The following KCNMB2 variants were observed in gnomAD, a reference collection of about 807,000 sequenced individuals.
KCNMB2 encodes potassium calcium-activated channel subfamily M regulatory beta subunit 2, also known as calcium-activated potassium channel subunit beta-2.
In KCNMB2, 9 loss-of-function variants were observed where a neutral mutation model predicts 24.5. The observed-to-expected ratio is 0.37, with a 90% CI of 0.22 to 0.64. KCNMB2 has a LOEUF of 0.64. Ranked by LOEUF, KCNMB2 falls within the 30% of genes least tolerant of loss-of-function variation. The pLI, the probability that KCNMB2 is intolerant of heterozygous loss-of-function variation, is 0.63. For synonymous variants in KCNMB2, 109 were observed against 104.4 expected (o/e 1.04, Z -0.27); for missense variants, 226 against 284.3 (o/e 0.79, Z 1.47).
chr3:178,596,694 C>A (rs1231384479), intron 1 of KCNMB2, among the ~76,000 whole-genome samples: 3 of 151,818 alleles, frequency 2.0e-5, no homozygotes, highest in African/African-American at 7.3e-5. Context: ...TTCCCACCAA[C>A]CCCCGCCCCC....
chr3:178,842,349 A>G (rs1234720774), intron 4 of KCNMB2, among the ~76,000 whole-genome samples: 1 of 152,224 alleles, frequency 6.6e-6, no homozygotes, highest in Non-Finnish European at 1.5e-5. Flanking sequence ...GAATCATTTA[A>G]TTTATTTTAC....
intron 1 of KCNMB2, among the ~76,000 whole-genome samples, chr3:178,757,652 ATATATATATATG>A (rs1724163932): frequency 2.6e-5 from 1 of 38,370 alleles, no homozygotes; most frequent in African/African-American, 1.3e-4. Flanking sequence ...ATCCAAGAGG[ATATATATATATG>A]TATATATATC....
intron 1 of KCNMB2, among the ~76,000 whole-genome samples, chr3:178,770,621 T>A (rs761704982): frequency 3.3e-5 from 5 of 152,152 alleles, no homozygotes; most frequent in Non-Finnish European, 5.9e-5. Context: ...ATAAAATGAT[T>A]CTCAGTAAGA....
At chr3:178,710,420 C>T (rs561340210) in intron 1 of KCNMB2, among the ~76,000 whole-genome samples, 1 of 152,118 alleles carries the variant, frequency 6.6e-6, no homozygotes, top group Non-Finnish European at 1.5e-5. Context: ...TTGGAGAGAA[C>T]CTTATTGGGA....
At chr3:178,639,075 AT>A (rs894794560) in intron 1 of KCNMB2, among the ~76,000 whole-genome samples, 15 of 152,096 alleles carry the variant, frequency 9.9e-5, no homozygotes, top group East Asian at 7.7e-4. Context: ...CCTTGAATAG[AT>A]TTTTTTTAAT....
At chr3:178,539,929 G>A (rs755158700) in intron 1 of KCNMB2, among the ~76,000 whole-genome samples, 3 of 152,062 alleles carry the variant, frequency 2.0e-5, no homozygotes, top group African/African-American at 4.8e-5. Flanking sequence ...TCAATCAAGT[G>A]TCAAGCCCTC....
In KCNMB2 at chr3:178,811,766, T is replaced by C. The variant is rs544601403; in HGVS notation, c.56+4301T>C. Reference sequence around the variant, plus strand: ...GGTTCAAAAGTACACGCAGCTTTAATTTTACCAAGTAATGCCATGGTTTTC... The same window carrying C: ...GGTTCAAAAGTACACGCAGCTTTAACTTTACCAAGTAATGCCATGGTTTTC... On this transcript the variant is annotated intron_variant, in intron 2 of 4. Coordinates refer to ENST00000452583, the MANE Select transcript of KCNMB2 (RefSeq NM_181361.3). Among the ~76,000 whole-genome samples, 9 of 152,346 alleles carry C rather than the reference T, an allele frequency of 5.9e-5. No homozygotes were observed. The South Asian group carries it at 1.7e-3, about 28-fold the overall frequency.
intron 1 of KCNMB2, among the ~76,000 whole-genome samples, chr3:178,772,063 T>A (rs1297703173): frequency 6.6e-6 from 1 of 152,164 alleles, no homozygotes; most frequent in East Asian, 1.9e-4. Flanking sequence ...AAATGTTGGT[T>A]TATTAGTGAG....
chr3:178,718,066 A>G (rs1180400622), intron 1 of KCNMB2, among the ~76,000 whole-genome samples: 2 of 152,176 alleles, frequency 1.3e-5, no homozygotes, highest in African/African-American at 4.8e-5. Flanking sequence ...GTTTACTTTC[A>G]TGCATTTCCC....
intron 1 of KCNMB2, among the ~76,000 whole-genome samples, chr3:178,759,753 T>TATA (rs1491420264): frequency 2.2e-4 from 4 of 18,244 alleles, no homozygotes; most frequent in African/African-American, 1.6e-3. Flanking sequence ...AGAGGATATA[T>TATA]CTATATATAT....
chr3:178,615,854 T>C (rs2108521491), intron 1 of KCNMB2, among the ~76,000 whole-genome samples: 1 of 152,274 alleles, frequency 6.6e-6, no homozygotes, highest in South Asian at 2.1e-4. Context: ...TGCTTGTTAT[T>C]CAGGGCCCAA....
chr3:178,587,580 C>T (rs1223175116), intron 1 of KCNMB2, among the ~76,000 whole-genome samples: 3 of 150,886 alleles, frequency 2.0e-5, no homozygotes, highest in African/African-American at 7.3e-5. Flanking sequence ...TGTGCCGCCA[C>T]ACCCGGCTAA....
At chr3:178,652,828 AT>A (rs80215555) in intron 1 of KCNMB2, among the ~76,000 whole-genome samples, 18,203 of 151,326 alleles carry the variant, frequency 0.12, 1,380 homozygotes, top group Admixed American at 0.2. Context: ...ACGCCTGGCC[AT>A]TTTTTTTGTA....
intron 2 of KCNMB2, among the ~76,000 whole-genome samples, chr3:178,819,208 T>A (rs1714527042): frequency 6.6e-6 from 1 of 152,222 alleles, no homozygotes; most frequent in Admixed American, 6.5e-5. Context: ...TAATGGCCAA[T>A]GTGCCTGAAG....
rs1417985030 is a variant in KCNMB2, at chr3:178,602,577, G to C, written c.-68+65866G>C. ...GGGTACTGGGAGGTTCGGGGGTGGG[G>C]GGGAGGAGTGATATGTAAGCAAAGC... On this transcript the variant is annotated intron_variant, in intron 1 of 4. Transcript: ENST00000452583. Among the ~76,000 whole-genome samples, 5 of 152,104 alleles carry C rather than the reference G, an allele frequency of 3.3e-5. No homozygotes were observed. In the East Asian group the frequency reaches 9.7e-4, roughly 30 times the overall value.
intron 4 of KCNMB2, among the ~76,000 whole-genome samples, chr3:178,840,558 A>G (rs1275219543): frequency 5.3e-5 from 8 of 152,232 alleles, no homozygotes; most frequent in African/African-American, 1.9e-4. Flanking sequence ...AGGCATTTCT[A>G]TCTATCCTCT....
chr3:178,692,319 A>G (rs1003555380), intron 1 of KCNMB2, among the ~76,000 whole-genome samples: 1 of 152,204 alleles, frequency 6.6e-6, no homozygotes, highest in Admixed American at 6.5e-5. Flanking sequence ...ATCTTTGCCC[A>G]TGCCTATGTT....
intron 1 of KCNMB2, among the ~76,000 whole-genome samples, chr3:178,629,880 A>G (rs553662218): frequency 6.6e-6 from 1 of 152,314 alleles, no homozygotes; most frequent in South Asian, 2.1e-4. Context: ...ATACTTTCAA[A>G]GGGCATTTCT....
intron 4 of KCNMB2, chr3:178,841,651 GAGA>G (rs1388416283): frequency 4.6e-5 from 7 of 152,174 alleles, no homozygotes; most frequent in Non-Finnish European, 8.8e-5. Context: ...GAGAACATGA[GAGA>G]AGAACTGTCA....
Sources: gnomAD v4.1 joint callset for allele counts (sites outside exome capture counted in the v4.1 genomes callset) on GRCh38, gnomAD v4.1.1 for gene constraint, MANE v1.5 for transcripts, NCBI Gene and HGNC (gene_info 2026-07-23, HGNC 2026-07-21) for gene names.